Variants in RERE observed in about 807,000 individuals in gnomAD.
RERE encodes arginine-glutamic acid dipeptide repeats protein.
A neutral mutation model predicts 146.1 loss-of-function variants in RERE; 40 were observed. That is an observed-to-expected ratio of 0.27 (90% confidence interval 0.21 to 0.36). RERE has a LOEUF of 0.36. Ranked by LOEUF, RERE falls within the 10% of genes least tolerant of loss-of-function variation. The probability of loss-of-function intolerance (pLI) is 1.00; values close to 1 mark genes in which losing one functional copy is unlikely to be tolerated. For missense variants in RERE, 1,933 were observed against 2,138.7 expected, an observed-to-expected ratio of 0.90 and a Z score of 1.90; for synonymous variants, 1,003 against 866.0, an observed-to-expected ratio of 1.16 and a Z score of -2.78.
At chr1:8,429,102 G>A (rs988920894) in intron 11 of RERE, among the ~76,000 whole-genome samples, 3 of 152,168 alleles carry the variant, frequency 2.0e-5, no homozygotes, top group Non-Finnish European at 2.9e-5. Flanking sequence ...AACACTGAGC[G>A]CTATAACGTG....
intron 7 of RERE, among the ~76,000 whole-genome samples, chr1:8,530,840 C>T (rs926515662): frequency 6.6e-5 from 10 of 150,780 alleles, no homozygotes; most frequent in South Asian, 4.2e-4. Context: ...TACAGGCGCC[C>T]GCCACCGCGC....
At chr1:8,636,006 A>ATTTTTT (rs1647097786) in intron 2 of RERE, among the ~76,000 whole-genome samples, 1 of 127,402 alleles carries the variant, frequency 7.8e-6, no homozygotes. Context: ...TTTTATTTTT[A>ATTTTTT]AGACTGAGTT....
intron 10 of RERE, among the ~76,000 whole-genome samples, chr1:8,466,788 C>G (rs933274647): frequency 2.6e-5 from 4 of 152,294 alleles, no homozygotes; most frequent in African/African-American, 4.8e-5. Flanking sequence ...ATCAACTTTT[C>G]TCACCCTGCG....
chr1:8,624,771 A>C (rs910321423), intron 2 of RERE, among the ~76,000 whole-genome samples: 4 of 152,240 alleles, frequency 2.6e-5, no homozygotes. Context: ...GTCTTCGAAA[A>C]AGAGAAACGG....
chr1:8,362,558 G>C, intron 16 of RERE, 125 bp downstream of exon 16: 1 of 1,281,734 alleles, frequency 7.8e-7, no homozygotes, highest in Non-Finnish European at 1.1e-6. Context: ...CAATGCTGGT[G>C]TCCAGACAGG....
intron 1 of RERE, among the ~76,000 whole-genome samples, chr1:8,683,390 T>C (rs1639017150): frequency 6.6e-6 from 1 of 152,050 alleles, no homozygotes; most frequent in Admixed American, 6.6e-5. Context: ...TCATTCTACT[T>C]AAAGACTAAA....
intron 8 of RERE, among the ~76,000 whole-genome samples, chr1:8,508,027 T>C (rs867704757): frequency 1.8e-4 from 27 of 152,190 alleles, no homozygotes; most frequent in African/African-American, 5.8e-4. Context: ...GCATGAGCCA[T>C]TGTGCCTGGC....
chr1:8,746,916 G>C (rs919692940), intron 1 of RERE, among the ~76,000 whole-genome samples: 2 of 150,828 alleles, frequency 1.3e-5, no homozygotes, highest in South Asian at 4.2e-4. Flanking sequence ...GAGGGAGAGA[G>C]AGACAGAGCC....
chr1:8,750,750 T>A, intron 1 of RERE: 2 of 783,996 alleles, frequency 2.6e-6, no homozygotes, highest in South Asian at 2.7e-5. Context: ...GTCTGAAAGG[T>A]GTTGCAGCTT....
chr1:8,504,644 AAGTTCGAGATC>A (rs1358493381), intron 8 of RERE, among the ~76,000 whole-genome samples: 2 of 152,068 alleles, frequency 1.3e-5, no homozygotes, highest in African/African-American at 4.8e-5. Context: ...ATGAGGTCAG[AAGTTCGAGATC>A]AGCCTGGCCA....
intron 11 of RERE, among the ~76,000 whole-genome samples, chr1:8,463,337 T>C (rs1289632035): frequency 6.6e-6 from 1 of 152,178 alleles, no homozygotes; most frequent in African/African-American, 2.4e-5. Flanking sequence ...ATGATAAAAA[T>C]GACCCCAAAC....
At chr1:8,501,685 G>T (rs1352898168) in intron 8 of RERE, among the ~76,000 whole-genome samples, 1,174 of 95,132 alleles carry the variant, frequency 0.012, no homozygotes, top group Non-Finnish European at 0.014. Flanking sequence ...CCCCCGCCCG[G>T]CCAGCCGCCC....
At chr1:8,684,410 G>A (rs967592320) in intron 1 of RERE, among the ~76,000 whole-genome samples, 3 of 151,572 alleles carry the variant, frequency 2.0e-5, no homozygotes, top group African/African-American at 4.9e-5. Context: ...AAAAATCCTG[G>A]GCATAAACAA....
chr1:8,556,380 T>C (rs1646006882), intron 6 of RERE, 95 bp downstream of exon 6: 1 of 772,706 alleles, frequency 1.3e-6, no homozygotes, highest in Non-Finnish European at 2.3e-6. Flanking sequence ...GTCTGATTAA[T>C]ACAGTGACTA....
chr1:8,478,035 G>A (rs1457823424), intron 10 of RERE, among the ~76,000 whole-genome samples: 1 of 152,198 alleles, frequency 6.6e-6, no homozygotes, highest in Non-Finnish European at 1.5e-5. Flanking sequence ...AAAGGCCCTG[G>A]AGAGCCAGGA....
At chr1:8,733,312 C>T (rs1179676857) in intron 1 of RERE, among the ~76,000 whole-genome samples, 4 of 152,216 alleles carry the variant, frequency 2.6e-5, no homozygotes, top group Non-Finnish European at 5.9e-5. Context: ...CTTGAAACCA[C>T]TGGGCTACGG....
At chr1:8,638,794 T>A (rs1647135534) in intron 2 of RERE, among the ~76,000 whole-genome samples, 1 of 144,564 alleles carries the variant, frequency 6.9e-6, no homozygotes, top group African/African-American at 2.6e-5. Flanking sequence ...TTTTTTTTTT[T>A]TTTTTTTTTT....
chr1:8,533,200 G>T (rs1002745983), intron 7 of RERE, among the ~76,000 whole-genome samples: 3 of 152,216 alleles, frequency 2.0e-5, no homozygotes, highest in Non-Finnish European at 4.4e-5. Flanking sequence ...TGAAACAAGA[G>T]AACAGTGGCA....
intron 12 of RERE, among the ~76,000 whole-genome samples, chr1:8,414,055 C>CAAAAAA (rs71580026): frequency 1.2e-4 from 11 of 91,708 alleles, no homozygotes; most frequent in Non-Finnish European, 1.7e-4. Flanking sequence ...AACTCCATCT[C>CAAAAAA]AAAAAAAAAA....
Sources: gnomAD v4.1 joint callset for allele counts (sites outside exome capture counted in the v4.1 genomes callset) on GRCh38, gnomAD v4.1.1 for gene constraint, MANE v1.5 for transcripts, NCBI Gene and HGNC (gene_info 2026-07-23, HGNC 2026-07-21) for gene names.